The following PSMD1 variants were observed in gnomAD, a reference collection of about 807,000 sequenced individuals.
PSMD1 encodes 26S proteasome non-ATPase regulatory subunit 1.
Under a neutral mutation model 119.0 loss-of-function variants are expected in PSMD1, and 18 were observed. That is an observed-to-expected ratio of 0.15 (90% confidence interval 0.10 to 0.22). PSMD1 has a LOEUF of 0.22. Among genes scored for constraint, PSMD1 ranks in the 10% least tolerant of loss-of-function variants. PSMD1 has a pLI of 1.00. For missense variants in PSMD1, 702 were observed against 1,158.5 expected (o/e 0.61, Z 5.72); for synonymous variants, 374 against 396.6 (o/e 0.94, Z 0.68).
At position 231,171,013 on chromosome 2, in the gene PSMD1, C is replaced by T. The variant is rs564602583; in HGVS notation, c.*9+292C>T. Among the ~76,000 whole-genome samples, 22 of 152,312 alleles carry T rather than the reference C, an allele frequency of 1.4e-4. No homozygotes were observed. The South Asian group carries it at 4.1e-3, about 29-fold the overall frequency. Reference sequence around the variant, plus strand: ...CTTACTCCAGAATCTGTCTGCTCAACGCTTCTTTCATCAAGAAAGTCTTCC... The same window carrying T: ...CTTACTCCAGAATCTGTCTGCTCAATGCTTCTTTCATCAAGAAAGTCTTCC... On this transcript the variant is annotated intron_variant, in intron 24 of 24. Transcript: ENST00000308696.
At chr2:231,097,845 T>C (rs1201852818) in intron 16 of PSMD1, among the ~76,000 whole-genome samples, 2 of 152,230 alleles carry the variant, frequency 1.3e-5, no homozygotes, top group Non-Finnish European at 2.9e-5. Context: ...GGATAGCCAA[T>C]TGGACTAAAG....
chr2:231,070,319 G>A, intron 6 of PSMD1, 151 bp downstream of exon 6: 1 of 599,382 alleles, frequency 1.7e-6, no homozygotes, highest in Non-Finnish European at 2.4e-6. Context: ...AATAAGGTAT[G>A]TGCTTTATAT....
Position 231,079,612 on chromosome 2 carries a change from A to C in PSMD1, c.1237A>C (p.Lys413Gln). The stretch of plus-strand genomic sequence containing the variant: ...TACAGCCAGTTTGGGTGTAATTCAT[A>C]AGGTAATATATATTGGTCAGTGTAT... Reference protein sequence around the residue: ...TATASLGVIHKGHEKEALQLM... With the variant: ...TATASLGVIHQGHEKEALQLM... The change falls in exon 11 of 25, where the codon AAG becomes CAG. Residue 413 changes from lysine (K) to glutamine (Q), a missense_variant and splice_region_variant. Physicochemically the swap from Lys to Gln is moderately conservative, Grantham distance 53 (BLOSUM62 1). Around this residue, in one of 9 missense-constraint regions of PSMD1, gnomAD observed 272 missense variants for 511.6 expected, o/e 0.53. Coordinates refer to ENST00000308696, the MANE Select transcript of PSMD1 (RefSeq NM_002807.4). 1 of 1,598,706 alleles carries C rather than the reference A, an allele frequency of 6.3e-7. No homozygotes were observed.
intron 16 of PSMD1, chr2:231,123,627 A>C: frequency 6.2e-7 from 1 of 1,614,130 alleles, no homozygotes; most frequent in Non-Finnish European, 8.5e-7. Flanking sequence ...GTTCCTCAAC[A>C]ATCTGTTTCA....
intron 16 of PSMD1, among the ~76,000 whole-genome samples, chr2:231,116,348 T>G (rs984126350): frequency 6.6e-6 from 1 of 152,162 alleles, no homozygotes; most frequent in Non-Finnish European, 1.5e-5. Flanking sequence ...TCAGAGATAT[T>G]GATTGCAGTT....
At chr2:231,141,421 CTTTT>C (rs34818750) in intron 17 of PSMD1, among the ~76,000 whole-genome samples, 2 of 104,216 alleles carry the variant, frequency 1.9e-5, no homozygotes, top group Non-Finnish European at 1.7e-5. Context: ...CCCTGCTATA[CTTTT>C]TTTTTTTTTT....
intron 16 of PSMD1, chr2:231,109,298 G>A: frequency 6.2e-7 from 1 of 1,614,130 alleles, no homozygotes; most frequent in Non-Finnish European, 8.5e-7. Context: ...GGCAGCCAGT[G>A]AGCCAAAGAG....
At chr2:231,081,518 GA>G (rs1694309170) in intron 12 of PSMD1, among the ~76,000 whole-genome samples, 1 of 152,224 alleles carries the variant, frequency 6.6e-6, no homozygotes, top group Admixed American at 6.5e-5. Context: ...CCTTCAGGAT[GA>G]ATGAACTTGA....
At chr2:231,113,099 G>A (rs1695212007) in intron 16 of PSMD1, among the ~76,000 whole-genome samples, 1 of 152,130 alleles carries the variant, frequency 6.6e-6, no homozygotes. Flanking sequence ...GGGAAGTCGA[G>A]GCAGCAGTGA....
intron 5 of PSMD1, among the ~76,000 whole-genome samples, chr2:231,068,512 G>C (rs1007140647): frequency 2.6e-5 from 4 of 152,126 alleles, no homozygotes; most frequent in African/African-American, 9.7e-5. Flanking sequence ...TGTGGTTTCA[G>C]TTACCTGCAG....
chr2:231,080,750 T>C (rs1478608819), intron 12 of PSMD1, among the ~76,000 whole-genome samples: 1 of 152,208 alleles, frequency 6.6e-6, no homozygotes, highest in East Asian at 1.9e-4. Flanking sequence ...TTAAGGAACC[T>C]TAAAATGTAA....
chr2:231,106,018 GTTT>G (rs11296704), intron 16 of PSMD1, among the ~76,000 whole-genome samples: 1 of 124,614 alleles, frequency 8.0e-6, no homozygotes, highest in South Asian at 2.6e-4. Context: ...GAATAAAAAG[GTTT>G]TTTTTTTTTT....
chr2:231,131,275 C>T lies in PSMD1; in HGVS notation c.1884-7461C>T, dbSNP rs527439542. The stretch of plus-strand genomic sequence containing the variant: ...CGGTACACACAGTTATTTCCATTTT[C>T]ATGATGTTAGCAGTCGTTGATAATC... On this transcript the variant is annotated intron_variant, in intron 16 of 24. Coordinates refer to ENST00000308696, the MANE Select transcript of PSMD1 (RefSeq NM_002807.4). Among the ~76,000 whole-genome samples the T allele has an allele frequency of 3.3e-5, 5 of 152,196 alleles. No individual in the cohort carries two copies. The South Asian group carries it at 1.0e-3, about 32-fold the overall frequency.
In PSMD1 at chr2:231,109,108, A is replaced by G. The variant is rs200661842; in HGVS notation, c.1883+21927A>G. 4.3e-6 allele frequency: 7 copies of G among 1,614,168 alleles called. No individual in the cohort carries two copies. In the East Asian group the frequency reaches 1.6e-4, roughly 36 times the overall value. ...GCAGAGCCTTGTCCTTTCGAGAACC[A>G]TCCAGCATTGCCACCTTTTCCGGTG... On this transcript the variant is annotated intron_variant, in intron 16 of 24. Coordinates refer to ENST00000308696, the MANE Select transcript of PSMD1 (RefSeq NM_002807.4).
At chr2:231,117,925 T>C (rs1695399519) in intron 16 of PSMD1, among the ~76,000 whole-genome samples, 1 of 152,152 alleles carries the variant, frequency 6.6e-6, no homozygotes, top group Non-Finnish European at 1.5e-5. Context: ...AAGGTATAAA[T>C]GTTGGTTCTG....
At chr2:231,105,332 T>C (rs972044667) in intron 16 of PSMD1, among the ~76,000 whole-genome samples, 3 of 152,120 alleles carry the variant, frequency 2.0e-5, no homozygotes. Context: ...GTTGGGCCCA[T>C]TGTTAGTACT....
chr2:231,143,836 A>G (rs147934358), intron 17 of PSMD1, among the ~76,000 whole-genome samples: 2,935 of 152,336 alleles, frequency 0.019, 48 homozygotes, highest in South Asian at 0.042. Flanking sequence ...GAAGAATAGG[A>G]TATTGGGGAA....
At chr2:231,161,219 C>T in intron 19 of PSMD1, 121 bp from the exon 20 acceptor site, 2 of 966,628 alleles carry the variant, frequency 2.1e-6, no homozygotes, top group Non-Finnish European at 3.0e-6. Flanking sequence ...GCTTGGGTAA[C>T]AGTGAGACCC....
chr2:231,129,201 CAAAG>C (rs937785886), intron 16 of PSMD1, among the ~76,000 whole-genome samples: 3 of 152,114 alleles, frequency 2.0e-5, no homozygotes, highest in African/African-American at 4.8e-5. Context: ...CTATAAAAAT[CAAAG>C]AAATATCAAT....
Sources: allele counts gnomAD v4.1 joint callset (sites outside exome capture counted in the v4.1 genomes callset), GRCh38; gene constraint gnomAD v4.1.1; regional missense constraint gnomAD v4.1.1; transcripts MANE v1.5; gene names NCBI Gene and HGNC (gene_info 2026-07-23, HGNC 2026-07-21).